Variants in DNAAF5 observed in about 807,000 individuals in gnomAD.
DNAAF5 encodes HEAT repeat containing 2.
In DNAAF5, 64 loss-of-function variants were observed where a neutral mutation model predicts 75.8. The observed-to-expected ratio is 0.84, with a 90% CI of 0.69 to 1.04. The LOEUF (loss-of-function observed/expected upper bound fraction) is 1.04. DNAAF5 is among the 50% of genes least tolerant of loss of function. The pLI, the probability that DNAAF5 is intolerant of heterozygous loss-of-function variation, is 0.00. For missense variants in DNAAF5, 1,269 were observed against 1,178.5 expected, an observed-to-expected ratio of 1.08 and a Z score of -1.12; for synonymous variants, 657 against 557.2, an observed-to-expected ratio of 1.18 and a Z score of -2.52.
In DNAAF5 at chr7:727,157, T is replaced by C. The variant is rs1781349143; in HGVS notation, c.437T>C (p.Val146Ala). The C allele has an allele frequency of 1.6e-6, 2 of 1,285,222 alleles. No individual in the cohort carries two copies. The highest frequency in any genetic ancestry group is 2.0e-5 in the South Asian group (1 of 49,324). 79.6% of individuals were successfully genotyped at this position (1,285,222 alleles called of 1,614,324 possible). The change falls in exon 1 of 13, where the codon GTG (valine) becomes GCG (alanine). Residue 146 changes from valine to alanine, a missense_variant. By Grantham distance (64) the Val-to-Ala change is moderately conservative. Coordinates refer to ENST00000297440, the MANE Select transcript of DNAAF5 (RefSeq NM_017802.4). ...EACEELRLAL[V>A]QLLGLAVDLC... ...TGTGAGGAGCTGCGCCTGGCGCTTG[T>C]GCAGCTGCTGGGCCTGGCCGTGGAC...
At chr7:769,325 G>A in intron 8 of DNAAF5, 3 of 646,176 alleles carry the variant, frequency 4.6e-6, no homozygotes, top group South Asian at 1.7e-5. Flanking sequence ...TCCTGGGCCT[G>A]CAGGCTGAGC....
At position 770,583 on chromosome 7, in the gene DNAAF5, G is replaced by C. The variant is rs1188699212; in HGVS notation, c.1896G>C (p.Val632=). The C allele has an allele frequency of 1.2e-6, 2 of 1,613,746 alleles. No individual in the cohort carries two copies. Among genetic ancestry groups the C allele is most frequent in the African/African-American group, 2.7e-5 (2 of 75,054 alleles). ...AGCTGTTCTCCATCCTGTCCACCGT[G>C]CTGCTCAGAGCCACGGACACCATCA... ...RLKLFSILST[V]LLRATDTINS... Residue 632 remains valine, a synonymous_variant, in exon 9 of 13, where the codon GTG becomes GTC. Transcript: ENST00000297440.
chr7:780,885 T>G (rs1778918715), intron 12 of DNAAF5, among the ~76,000 whole-genome samples: 1 of 149,470 alleles, frequency 6.7e-6, no homozygotes, highest in Non-Finnish European at 1.5e-5. Context: ...GTTCTTTTTT[T>G]TAATAAAATT....
intron 4 of DNAAF5, among the ~76,000 whole-genome samples, chr7:743,680 T>C (rs1157226346): frequency 6.9e-6 from 1 of 144,506 alleles, no homozygotes; most frequent in Admixed American, 7.2e-5. Flanking sequence ...GTTTCACTCT[T>C]GTTGCCCAGG....
Position 763,836 on chromosome 7 carries a change from G to A in DNAAF5, c.1645G>A (p.Val549Met), listed in dbSNP as rs746007264. 3.1e-6 allele frequency: 5 copies of A among 1,613,478 alleles called. No homozygotes were observed. Among genetic ancestry groups the A allele is most frequent in the Non-Finnish European group, 4.2e-6 (5 of 1,180,042 alleles). The change falls in exon 8 of 13, where the codon GTG becomes ATG. Residue 549 changes from valine to methionine, a missense_variant. Coordinates refer to ENST00000297440, the MANE Select transcript of DNAAF5 (RefSeq NM_017802.4). ...AQETMDSLAM[V>M]EGVSSCQDLY... ...GGAGACGATGGACTCACTGGCCATGGTGGAGGGTGTCAGCAGCTGCCAGGA... is the reference window on the plus strand; with the variant it reads ...GGAGACGATGGACTCACTGGCCATGATGGAGGGTGTCAGCAGCTGCCAGGA...
At chr7:763,782 C>T (rs1310183984) in intron 7 of DNAAF5, 24 bp from the exon 8 acceptor site, 1 of 1,611,236 alleles carries the variant, frequency 6.2e-7, no homozygotes, top group Admixed American at 1.7e-5. Context: ...GGAATTGTCT[C>T]AGTCTCTGAC....
chr7:734,138 TTAAC>T (rs2128070672), intron 2 of DNAAF5, among the ~76,000 whole-genome samples: 1 of 152,350 alleles, frequency 6.6e-6, no homozygotes, highest in South Asian at 2.1e-4. Context: ...CAGTACTGTG[TTAAC>T]TAACAGTGGT....
chr7:740,983 G>A (rs369332685), intron 3 of DNAAF5, 40 bp downstream of exon 3: 87 of 1,604,430 alleles, frequency 5.4e-5, no homozygotes, highest in Non-Finnish European at 7.0e-5. Flanking sequence ...CTTCCTAAAC[G>A]GTCATGTGTA....
intron 12 of DNAAF5, among the ~76,000 whole-genome samples, 183 bp from the exon 13 acceptor site, chr7:785,334 C>T (rs1342475423): frequency 1.3e-5 from 2 of 151,076 alleles, no homozygotes; most frequent in African/African-American, 4.9e-5. Context: ...CATTCGTCCC[C>T]ACATTGTGAG....
chr7:744,483 T>C (rs1383803155), intron 4 of DNAAF5, among the ~76,000 whole-genome samples: 5 of 152,194 alleles, frequency 3.3e-5, no homozygotes, highest in Non-Finnish European at 7.3e-5. Flanking sequence ...TCAAATGGTA[T>C]GTGGGCGAAG....
intron 4 of DNAAF5, among the ~76,000 whole-genome samples, chr7:742,876 C>T (rs1474892615): frequency 7.0e-6 from 1 of 142,882 alleles, no homozygotes; most frequent in African/African-American, 2.6e-5. Flanking sequence ...AAATCAGATG[C>T]CCAGCTCAAA....
intron 2 of DNAAF5, chr7:732,686 T>C (rs1396362584): frequency 8.8e-6 from 4 of 452,072 alleles, no homozygotes; most frequent in African/African-American, 2.0e-5. Context: ...AATCGCGTTA[T>C]TAGATTTTTT....
rs1457373980 is a variant in DNAAF5 at position 774,114 on chromosome 7, G to A, written c.1998G>A (p.Ala666=). 2 of 1,613,312 alleles carry A rather than the reference G, an allele frequency of 1.2e-6. No individual in the cohort carries two copies. The highest frequency in any genetic ancestry group is 2.2e-5 in the East Asian group (1 of 44,884). ...TGGCCCCCAATCTGCAGTGGCATGC[G>A]GGGAGGACAGCCGCGGCCATCCGCA... ...DILAPNLQWH[A]GRTAAAIRTA... Residue 666 remains alanine, a synonymous_variant, in exon 10 of 13, where the codon GCG becomes GCA. Coordinates refer to ENST00000297440, the MANE Select transcript of DNAAF5 (RefSeq NM_017802.4).
intron 8 of DNAAF5, among the ~76,000 whole-genome samples, chr7:764,730 CA>C (rs1782768048): frequency 6.6e-6 from 1 of 152,130 alleles, no homozygotes; most frequent in Admixed American, 6.5e-5. Flanking sequence ...GAAAAATACC[CA>C]AAATTGTTCT....
At chr7:753,996 GTC>G (rs564508335) in intron 4 of DNAAF5, among the ~76,000 whole-genome samples, 7 of 138,996 alleles carry the variant, frequency 5.0e-5, no homozygotes, top group Non-Finnish European at 7.6e-5. Flanking sequence ...GCAGGCGTGT[GTC>G]TCTCTGATCA....
intron 7 of DNAAF5, among the ~76,000 whole-genome samples, chr7:762,695 C>G (rs972667813): frequency 6.6e-6 from 1 of 151,960 alleles, no homozygotes; most frequent in Non-Finnish European, 1.5e-5. Context: ...CTCACTGCAA[C>G]TTCTGCCTCC....
intron 9 of DNAAF5, among the ~76,000 whole-genome samples, chr7:773,624 A>C (rs1778648537): frequency 6.6e-6 from 1 of 151,992 alleles, no homozygotes; most frequent in South Asian, 2.1e-4. Context: ...GGCTGGAGAG[A>C]CTTGGCCTTT....
Position 754,731 on chromosome 7 carries a change from T to C in DNAAF5, c.1167T>C (p.His389=). 6.2e-7 allele frequency: 1 copy of C among 1,613,764 alleles called. No homozygotes were observed. The highest frequency in any genetic ancestry group is 8.5e-7 in the Non-Finnish European group (1 of 1,180,000). The stretch of plus-strand genomic sequence containing the variant: ...AGCTGCTCCCAGTGCTGCTGCTGCA[T>C]GCCGAGGACCACGCCACGCAGCACC... ...SAQLLPVLLL[H]AEDHATQHLE... The change falls in exon 5 of 13, where the codon CAT becomes CAC. Residue 389 remains histidine (H), a synonymous_variant. Transcript: ENST00000297440. This position sits in a 1 kb window ranked among gnomAD's most constrained non-coding sequence, Gnocchi z 4.8.
At chr7:777,327 C>T (rs1431169822) in intron 11 of DNAAF5, among the ~76,000 whole-genome samples, 2 of 152,230 alleles carry the variant, frequency 1.3e-5, no homozygotes, top group East Asian at 1.9e-4. Context: ...CAGCCTCGCA[C>T]CCAGCCCGGG....
Sources: gnomAD v4.1 joint callset for allele counts (sites outside exome capture counted in the v4.1 genomes callset) on GRCh38, gnomAD v4.1.1 for gene constraint, Gnocchi (gnomAD v3.1) non-coding constraint, MANE v1.5 for transcripts, NCBI Gene and HGNC (gene_info 2026-07-23, HGNC 2026-07-21) for gene names.